The following EFCAB11 variants were observed in gnomAD, a reference collection of about 807,000 sequenced individuals.
The protein encoded by EFCAB11 is EF-hand calcium binding domain 11.
Under a neutral mutation model 23.0 loss-of-function variants are expected in EFCAB11, and 14 were observed. The ratio of observed to expected loss-of-function variants is 0.61; its 90% CI spans 0.40 to 0.95. The LOEUF is 0.95. Among genes scored for constraint, EFCAB11 ranks in the 40% least tolerant of loss-of-function variants. The pLI is 0.00. For missense variants in EFCAB11, 198 were observed against 195.8 expected, an observed-to-expected ratio of 1.01 and a Z score of -0.07; for synonymous variants, 65 against 66.6, an observed-to-expected ratio of 0.98 and a Z score of 0.11.
intron 5 of EFCAB11, among the ~76,000 whole-genome samples, chr14:89,873,027 G>A (rs1205436280): frequency 6.6e-6 from 1 of 152,176 alleles, no homozygotes; most frequent in Non-Finnish European, 1.5e-5. Context: ...CACTGTATTA[G>A]TCTGTTCTCA....
chr14:89,899,281 T>A (rs1294717715), intron 5 of EFCAB11, among the ~76,000 whole-genome samples: 3 of 152,090 alleles, frequency 2.0e-5, no homozygotes, highest in African/African-American at 2.4e-5. Context: ...ATAATGTAAA[T>A]CTTAGAGAAA....
chr14:89,907,169 T>A (rs1414735460), intron 5 of EFCAB11, among the ~76,000 whole-genome samples: 1 of 152,116 alleles, frequency 6.6e-6, no homozygotes, highest in African/African-American at 2.4e-5. Flanking sequence ...CCCCTGCACA[T>A]CCTACCACCC....
chr14:89,837,294 G>C, intron 5 of EFCAB11: 1 of 346,496 alleles, frequency 2.9e-6, no homozygotes, highest in South Asian at 2.2e-5. Context: ...CTTCCAGTTA[G>C]GTTTGGCCAA....
chr14:89,891,697 A>G (rs962734876), intron 5 of EFCAB11, among the ~76,000 whole-genome samples: 5 of 152,288 alleles, frequency 3.3e-5, no homozygotes, highest in African/African-American at 1.2e-4. Context: ...ACACACACAC[A>G]CACACGCACG....
intron 5 of EFCAB11, among the ~76,000 whole-genome samples, chr14:89,822,076 G>A (rs959182925): frequency 1.3e-5 from 2 of 151,848 alleles, no homozygotes; most frequent in African/African-American, 4.8e-5. Flanking sequence ...TTAATAACTC[G>A]AGGTTTTTTT....
intron 5 of EFCAB11, among the ~76,000 whole-genome samples, chr14:89,906,208 TAAA>T (rs1889493947): frequency 4.6e-5 from 7 of 151,266 alleles, no homozygotes; most frequent in African/African-American, 1.5e-4. Flanking sequence ...AATAAATAAA[TAAA>T]TAAATAAATT....
At chr14:89,837,121 A>C (rs1887112575) in intron 5 of EFCAB11, 2 of 456,128 alleles carry the variant, frequency 4.4e-6, no homozygotes, top group Non-Finnish European at 8.8e-6. Context: ...GGCAGAGTAA[A>C]CACTTGCTGA....
At chr14:89,946,750 C>CT (rs1166422287) in intron 3 of EFCAB11, among the ~76,000 whole-genome samples, 1 of 124,916 alleles carries the variant, frequency 8.0e-6, no homozygotes, top group Admixed American at 7.8e-5. Context: ...TTTTTTTTTG[C>CT]TTTTTTGTCG....
At chr14:89,952,693 G>A (rs911425713) in intron 2 of EFCAB11, 18 of 824,716 alleles carry the variant, frequency 2.2e-5, no homozygotes, top group South Asian at 5.5e-5. Flanking sequence ...CAAATAGGGC[G>A]GAGAGGCATG....
chr14:89,918,500 C>T (rs765115474), intron 5 of EFCAB11, among the ~76,000 whole-genome samples: 28 of 150,956 alleles, frequency 1.9e-4, no homozygotes, highest in Non-Finnish European at 3.7e-4. Flanking sequence ...GATCACACCA[C>T]TGCACTCCAG....
At chr14:89,846,619 G>A (rs193195320) in intron 5 of EFCAB11, among the ~76,000 whole-genome samples, 40 of 152,126 alleles carry the variant, frequency 2.6e-4, no homozygotes, top group Non-Finnish European at 8.8e-5. Flanking sequence ...CAAGAATACC[G>A]TGCACAACTC....
At chr14:89,822,319 T>G (rs1173609967) in intron 5 of EFCAB11, among the ~76,000 whole-genome samples, 1 of 152,260 alleles carries the variant, frequency 6.6e-6, no homozygotes, top group Non-Finnish European at 1.5e-5. Context: ...TCAGAGTAAC[T>G]TCAGCAATTA....
chr14:89,858,267 G>A (rs1887815984), intron 5 of EFCAB11, among the ~76,000 whole-genome samples: 1 of 152,200 alleles, frequency 6.6e-6, no homozygotes, highest in Non-Finnish European at 1.5e-5. Context: ...GCATCTGAGT[G>A]AGCCACCTCG....
chr14:89,953,969 T>C lies in EFCAB11; in HGVS notation c.108A>G (p.Gly36=), dbSNP rs1891308662. The C allele has an allele frequency of 2.5e-6, 4 of 1,613,740 alleles. No individual in the cohort carries two copies. The highest frequency in any genetic ancestry group is 3.4e-6 in the Non-Finnish European group (4 of 1,179,990). ...TTTTAAAGTCCTCTCTGCTGAGATA[T>C]CCTTTGTGATCTTCATCACATGCTT... ...VFKACDEDHK[G]YLSREDFKTA... is the part of the protein sequence containing the mutation. Residue 36 remains glycine (G), a synonymous_variant, in exon 2 of 6, where the codon GGA becomes GGG. Coordinates refer to ENST00000316738, the MANE Select transcript of EFCAB11 (RefSeq NM_145231.4).
At chr14:89,918,825 C>A (rs572994534) in intron 5 of EFCAB11, among the ~76,000 whole-genome samples, 4 of 151,774 alleles carry the variant, frequency 2.6e-5, no homozygotes, top group African/African-American at 9.7e-5. Context: ...GCCACAGGTA[C>A]AGGAGGGGTC....
At chr14:89,817,429 G>C (rs1168087795) in intron 5 of EFCAB11, among the ~76,000 whole-genome samples, 9 of 152,128 alleles carry the variant, frequency 5.9e-5, no homozygotes, top group Non-Finnish European at 1.3e-4. Flanking sequence ...GCTGAGATAG[G>C]AGGATCACTT....
intron 5 of EFCAB11, among the ~76,000 whole-genome samples, chr14:89,879,652 T>C (rs1204038199): frequency 1.3e-5 from 2 of 152,218 alleles, no homozygotes; most frequent in Non-Finnish European, 2.9e-5. Flanking sequence ...AAGAGCATAC[T>C]TTACTTTTGC....
At chr14:89,917,596 T>A (rs1358837952) in intron 5 of EFCAB11, among the ~76,000 whole-genome samples, 1 of 152,194 alleles carries the variant, frequency 6.6e-6, no homozygotes, top group African/African-American at 2.4e-5. Context: ...TTCAGTCTAC[T>A]CCATCATTAT....
chr14:89,939,815 T>C (rs1174389764), intron 3 of EFCAB11, among the ~76,000 whole-genome samples: 2 of 152,210 alleles, frequency 1.3e-5, no homozygotes, highest in Non-Finnish European at 2.9e-5. Flanking sequence ...CTCAGCTCAC[T>C]GCAACCTCCG....
Sources: allele counts gnomAD v4.1 joint callset (sites outside exome capture counted in the v4.1 genomes callset), GRCh38; gene constraint gnomAD v4.1.1; transcripts MANE v1.5; gene names NCBI Gene and HGNC (gene_info 2026-07-23, HGNC 2026-07-21).